The following LRRIQ1 variants were observed in gnomAD, a reference collection of about 807,000 sequenced individuals.
LRRIQ1 encodes leucine-rich repeat- and IQ domain-containing protein 1.
LRRIQ1 carries 210 observed loss-of-function variants against 211.9 expected under a neutral mutation model. The ratio of observed to expected loss-of-function variants is 0.99; its 90% CI spans 0.89 to 1.11. The LOEUF is 1.11. Ranked by LOEUF, LRRIQ1 falls within the 50% of genes most tolerant of loss-of-function variation. The pLI is 0.00. For synonymous variants in LRRIQ1, 699 were observed against 650.1 expected, an observed-to-expected ratio of 1.08 and a Z score of -1.14; for missense variants, 2,136 against 1,939.5, an observed-to-expected ratio of 1.10 and a Z score of -1.90.
intron 13 of LRRIQ1, among the ~76,000 whole-genome samples, chr12:85,100,487 A>C (rs117609188): frequency 2.0e-5 from 3 of 151,824 alleles, no homozygotes; most frequent in South Asian, 4.1e-4. Context: ...ACGTTTGACT[A>C]TTGAGATGGG....
At chr12:85,181,496 T>C (rs1391648029) in intron 24 of LRRIQ1, among the ~76,000 whole-genome samples, 3 of 151,940 alleles carry the variant, frequency 2.0e-5, no homozygotes, top group Non-Finnish European at 4.4e-5. Flanking sequence ...AAATTGTATA[T>C]GAGATTTTTC....
At chr12:85,259,045 C>G (rs1361870814) in intron 1 of LRRIQ1, among the ~76,000 whole-genome samples, 1 of 151,948 alleles carries the variant, frequency 6.6e-6, no homozygotes, top group Non-Finnish European at 1.5e-5. Context: ...GAGCAGAACA[C>G]AGATTATGTA....
At chr12:85,198,623 A>AGTG (rs1328125180) in intron 24 of LRRIQ1, among the ~76,000 whole-genome samples, 2 of 150,684 alleles carry the variant, frequency 1.3e-5, no homozygotes, top group East Asian at 2.0e-4. Context: ...GCTGGAGTGC[A>AGTG]GTGGTGCTAT....
At chr12:85,074,340 T>C (rs1207339725) in intron 11 of LRRIQ1, among the ~76,000 whole-genome samples, 3 of 152,032 alleles carry the variant, frequency 2.0e-5, no homozygotes, top group Non-Finnish European at 4.4e-5. Flanking sequence ...GGTGTATATA[T>C]TTATGGGATA....
chr12:85,269,865 T>C, the LRRIQ1 span, among the ~76,000 whole-genome samples: 2 of 152,196 alleles, frequency 1.3e-5, no homozygotes, highest in African/African-American at 2.4e-5. Flanking sequence ...AAATATTTAT[T>C]TTTCACAGTT....
In LRRIQ1 at chr12:85,056,865, A is replaced by C; in HGVS notation, c.2072A>C (p.Asn691Thr). The C allele has an allele frequency of 6.2e-7, 1 of 1,613,480 alleles. No individual in the cohort carries two copies. Among genetic ancestry groups the C allele is most frequent in the Non-Finnish European group, 8.5e-7 (1 of 1,179,614 alleles). Residue 691 changes from asparagine to threonine, a missense_variant, in exon 8 of 27, where the codon AAT becomes ACT. Coordinates refer to ENST00000393217, the MANE Select transcript of LRRIQ1 (RefSeq NM_001079910.2). ...CCTTGTGAGGGCTTGAGTAACTATA[A>C]TGCAGAAAGCTCCATGGTATCTAAA... ...HAPCEGLSNY[N>T]AESSMVSKEV...
chr12:85,190,871 A>G (rs1000730817), intron 24 of LRRIQ1, among the ~76,000 whole-genome samples: 1 of 151,960 alleles, frequency 6.6e-6, no homozygotes, highest in East Asian at 1.9e-4. Context: ...ACCTCTAGCC[A>G]TATGAAACAG....
rs79877832 is a variant in LRRIQ1, at chr12:85,148,244, G to A, written c.4330-4036G>A. On this transcript the variant is annotated intron_variant, in intron 19 of 26. Transcript: ENST00000393217. Reference sequence around the variant, plus strand: ...ATGCAGATTTGTTACATAGGTATACGTGTCCCATGGTGTTTCACTGCACCT... The same window carrying A: ...ATGCAGATTTGTTACATAGGTATACATGTCCCATGGTGTTTCACTGCACCT... Among the ~76,000 whole-genome samples, 584 of 151,428 alleles carry A rather than the reference G, an allele frequency of 3.9e-3. 24 individuals carry two copies. The East Asian group carries it at 0.078, about 20-fold the overall frequency.
chr12:85,192,516 A>C (rs1255011239), intron 24 of LRRIQ1, among the ~76,000 whole-genome samples: 1 of 123,800 alleles, frequency 8.1e-6, no homozygotes, highest in Non-Finnish European at 1.6e-5. Flanking sequence ...AAATATATAT[A>C]GTTATATAAT....
chr12:85,074,477 G>A (rs1883429343), intron 11 of LRRIQ1, among the ~76,000 whole-genome samples: 1 of 151,786 alleles, frequency 6.6e-6, no homozygotes, highest in Non-Finnish European at 1.5e-5. Flanking sequence ...ATATTAAAAT[G>A]TAAAATTAAG....
intron 22 of LRRIQ1, 104 bp downstream of exon 22, chr12:85,153,862 A>G (rs1168757026): frequency 7.3e-6 from 7 of 953,210 alleles, no homozygotes; most frequent in Non-Finnish European, 1.1e-5. Flanking sequence ...TTAGTTTTTT[A>G]TAAATTGTCC....
At position 85,127,845 on chromosome 12, in the gene LRRIQ1, G is replaced by A; in HGVS notation, c.4021G>A (p.Val1341Ile). Residue 1341 changes from valine to isoleucine, a missense_variant, in exon 18 of 27, where the codon GTA becomes ATA. Physicochemically the swap from Val to Ile is conservative, Grantham distance 29. Transcript: ENST00000393217. ...TCCTCTTAATAGTATGGCAGCTGTG[G>A]TAATCCAGTCATACTGGCGTGGTTA... ...EPSEKIMAAV[V>I]IQSYWRGYLM... 1 of 1,613,780 alleles carries A rather than the reference G, an allele frequency of 6.2e-7. No homozygotes were observed. The highest frequency in any genetic ancestry group is 1.7e-5 in the Admixed American group (1 of 59,982).
chr12:85,195,660 T>C (rs1410505573), intron 24 of LRRIQ1, among the ~76,000 whole-genome samples: 1 of 151,360 alleles, frequency 6.6e-6, no homozygotes, highest in Non-Finnish European at 1.5e-5. Context: ...AAATTAGGTA[T>C]TGATGGGACG....
chr12:85,079,244 CTTTTTTTTTT>C (rs3058476), intron 11 of LRRIQ1, among the ~76,000 whole-genome samples: 5 of 103,578 alleles, frequency 4.8e-5, no homozygotes, highest in African/African-American at 8.1e-5. Context: ...GTATCTTTAT[CTTTTTTTTTT>C]TTTTTTTTTT....
chr12:85,170,266 A>G (rs1164833007), intron 24 of LRRIQ1, among the ~76,000 whole-genome samples: 6 of 27,832 alleles, frequency 2.2e-4, no homozygotes, highest in Admixed American at 3.5e-4. Context: ...TGCATATTGT[A>G]TATATATATA....
intron 24 of LRRIQ1, among the ~76,000 whole-genome samples, chr12:85,199,416 G>A (rs1360758370): frequency 6.6e-6 from 1 of 152,064 alleles, no homozygotes; most frequent in African/African-American, 2.4e-5. Context: ...TCAGATGGTA[G>A]TAGGTGTGTG....
At chr12:85,260,461 G>C (rs1416488974) in intron 1 of LRRIQ1, among the ~76,000 whole-genome samples, 1 of 152,052 alleles carries the variant, frequency 6.6e-6, no homozygotes, top group African/African-American at 2.4e-5. Context: ...ATAATGCTTG[G>C]AAGGCACTTG....
At chr12:85,215,431 C>G (rs1894033731) in intron 24 of LRRIQ1, among the ~76,000 whole-genome samples, 1 of 152,044 alleles carries the variant, frequency 6.6e-6, no homozygotes, top group African/African-American at 2.4e-5. Flanking sequence ...GTTTGTTGTA[C>G]AGATTATTTT....
chr12:85,062,289 A>T (rs1184455206), intron 8 of LRRIQ1, among the ~76,000 whole-genome samples: 1 of 151,698 alleles, frequency 6.6e-6, no homozygotes, highest in East Asian at 1.9e-4. Flanking sequence ...GCATGATTGA[A>T]CCTGTCACCC....
Sources: gnomAD v4.1 joint callset for allele counts (sites outside exome capture counted in the v4.1 genomes callset) on GRCh38, gnomAD v4.1.1 for gene constraint, MANE v1.5 for transcripts, NCBI Gene and HGNC (gene_info 2026-07-23, HGNC 2026-07-21) for gene names.